The following TULP4 variants were observed in gnomAD, a reference collection of about 807,000 sequenced individuals.
TULP4 encodes the protein TUB like protein 4, also known as tubby-related protein 4.
A neutral mutation model predicts 129.0 loss-of-function variants in TULP4; 16 were observed. The ratio of observed to expected loss-of-function variants is 0.12; its 90% CI spans 0.08 to 0.19. The LOEUF is 0.19. Among genes scored for constraint, TULP4 ranks in the 10% least tolerant of loss-of-function variants. The pLI, the probability that TULP4 is intolerant of heterozygous loss-of-function variation, is 1.00. For missense variants in TULP4, 1,842 were observed against 2,059.1 expected, an observed-to-expected ratio of 0.89 and a Z score of 2.04; for synonymous variants, 998 against 854.0, an observed-to-expected ratio of 1.17 and a Z score of -2.94.
intron 6 of TULP4, among the ~76,000 whole-genome samples, chr6:158,477,554 C>A (rs761477046): frequency 2.6e-5 from 4 of 152,100 alleles, no homozygotes; most frequent in Non-Finnish European, 5.9e-5. Context: ...CAAATCAAAA[C>A]CACAGTGAGA....
chr6:158,412,383 G>A (rs1021860504), intron 1 of TULP4, among the ~76,000 whole-genome samples: 3 of 152,002 alleles, frequency 2.0e-5, no homozygotes, highest in Non-Finnish European at 4.4e-5. Flanking sequence ...AGACTCCTCC[G>A]GCACTCACCT....
chr6:158,409,278 C>G (rs1050657550), intron 1 of TULP4, among the ~76,000 whole-genome samples: 1 of 152,118 alleles, frequency 6.6e-6, no homozygotes, highest in African/African-American at 2.4e-5. Context: ...TAGTAACACT[C>G]TAAAATGAGA....
chr6:158,494,690 G>A, intron 10 of TULP4, 63 bp from the exon 11 acceptor site: 1 of 1,445,144 alleles, frequency 6.9e-7, no homozygotes, highest in Admixed American at 1.7e-5. Context: ...TTCTTACTGA[G>A]TGACCAGTTG....
At chr6:158,329,181 CATT>C (rs1779818982) in intron 1 of TULP4, among the ~76,000 whole-genome samples, 1 of 152,178 alleles carries the variant, frequency 6.6e-6, no homozygotes, top group African/African-American at 2.4e-5. Flanking sequence ...TTCTCTTCCT[CATT>C]GTTGCTGTTT....
intron 1 of TULP4, among the ~76,000 whole-genome samples, chr6:158,240,807 A>C (rs1357769437): frequency 7.6e-6 from 1 of 132,024 alleles, no homozygotes; most frequent in African/African-American, 2.9e-5. Flanking sequence ...TGAACCCCCC[A>C]CCTCCCTCCC....
intron 1 of TULP4, among the ~76,000 whole-genome samples, chr6:158,236,171 T>C (rs1018440077): frequency 1.3e-5 from 2 of 152,246 alleles, no homozygotes; most frequent in Non-Finnish European, 2.9e-5. Flanking sequence ...TAAATGTTAA[T>C]AGAATTCCAG....
chr6:158,378,485 T>TTTTTTTG (rs1554285635), intron 1 of TULP4, among the ~76,000 whole-genome samples: 1,100 of 51,062 alleles, frequency 0.022, 28 homozygotes, highest in African/African-American at 0.026. Flanking sequence ...TTTTTTTTTT[T>TTTTTTTG]GGTGGGGGTG....
Position 158,508,370 on chromosome 6 carries a change from T to TA in TULP4, c.*1682dup, listed in dbSNP as rs1331061557. On this transcript the variant is annotated 3_prime_UTR_variant, in exon 14 of 14. Coordinates refer to ENST00000367097, the MANE Select transcript of TULP4 (RefSeq NM_020245.5). The stretch of plus-strand genomic sequence containing the variant: ...ACGTTTTTTAATCCCCTGTTTTAGT[T>TA]AAAAAATTGGAAAAGAAACCGACCC... 1 of 152,194 alleles carries TA rather than the reference T, an allele frequency of 6.6e-6. No individual in the cohort carries two copies. The highest frequency in any genetic ancestry group is 1.5e-5 in the Non-Finnish European group (1 of 68,036). The allele number at this position is 152,194 out of a possible 1,614,324, so 9.4% of individuals were successfully genotyped here.
intron 11 of TULP4, among the ~76,000 whole-genome samples, chr6:158,496,172 T>A (rs567722212): frequency 1.3e-4 from 20 of 152,324 alleles, no homozygotes; most frequent in Non-Finnish European, 2.1e-4. Flanking sequence ...TCTTTCCCAG[T>A]TGCAGAATCA....
At chr6:158,365,044 G>C (rs945089469) in intron 1 of TULP4, among the ~76,000 whole-genome samples, 1 of 151,594 alleles carries the variant, frequency 6.6e-6, no homozygotes, top group African/African-American at 2.4e-5. Flanking sequence ...CCCTAGATTT[G>C]TTTTTATCCA....
chr6:158,484,452 A>G (rs1402902616), intron 8 of TULP4, among the ~76,000 whole-genome samples: 1 of 152,050 alleles, frequency 6.6e-6, no homozygotes, highest in African/African-American at 2.4e-5. Flanking sequence ...CCTGGCCCAC[A>G]CATTTTCTAA....
intron 1 of TULP4, among the ~76,000 whole-genome samples, chr6:158,264,767 A>T (rs771370679): frequency 6.6e-6 from 1 of 152,200 alleles, no homozygotes; most frequent in Non-Finnish European, 1.5e-5. Flanking sequence ...CCTTTATCCC[A>T]TGAGGCCCTC....
intron 1 of TULP4, among the ~76,000 whole-genome samples, chr6:158,366,751 A>G: frequency 6.6e-6 from 1 of 152,212 alleles, no homozygotes; most frequent in Admixed American, 6.5e-5. Flanking sequence ...ACCATTTGCC[A>G]TAGTGAGTGA....
chr6:158,480,265 A>G (rs534176528), intron 7 of TULP4, among the ~76,000 whole-genome samples: 85 of 152,328 alleles, frequency 5.6e-4, no homozygotes, highest in African/African-American at 2.0e-3. Context: ...AGCATTTCCT[A>G]TATACTAAGC....
intron 9 of TULP4, among the ~76,000 whole-genome samples, chr6:158,490,699 G>A (rs1310469797): frequency 6.6e-6 from 1 of 151,962 alleles, no homozygotes; most frequent in Non-Finnish European, 1.5e-5. Context: ...TTCCCTAGAA[G>A]TAATCACTCT....
At chr6:158,415,676 A>G (rs1234855331) in intron 2 of TULP4, among the ~76,000 whole-genome samples, 1 of 151,832 alleles carries the variant, frequency 6.6e-6, no homozygotes, top group Non-Finnish European at 1.5e-5. Context: ...ACTTATTAAA[A>G]AAAAAAAAAA....
chr6:158,459,403 C>T (rs879677317), intron 5 of TULP4, among the ~76,000 whole-genome samples: 28 of 150,838 alleles, frequency 1.9e-4, no homozygotes, highest in Non-Finnish European at 4.0e-4. Flanking sequence ...GTACTCCAGC[C>T]TGGGCAACAA....
intron 13 of TULP4, among the ~76,000 whole-genome samples, chr6:158,506,285 G>A (rs570086699): frequency 1.9e-3 from 253 of 133,082 alleles, no homozygotes; most frequent in Non-Finnish European, 3.0e-3. Context: ...AGGCTGGAGT[G>A]CAGTGGCCCA....
chr6:158,328,491 C>T (rs1403814883), intron 1 of TULP4, among the ~76,000 whole-genome samples: 6 of 152,110 alleles, frequency 3.9e-5, no homozygotes, highest in Admixed American at 6.5e-5. Context: ...ATTCCCAAAA[C>T]GAGTTGTGGC....
Sources: allele counts gnomAD v4.1 joint callset (sites outside exome capture counted in the v4.1 genomes callset), GRCh38; gene constraint gnomAD v4.1.1; transcripts MANE v1.5; gene names NCBI Gene and HGNC (gene_info 2026-07-23, HGNC 2026-07-21).